Variants in PTPRR observed in about 807,000 individuals in gnomAD.
PTPRR encodes the protein receptor-type tyrosine-protein phosphatase R.
In PTPRR, 38 loss-of-function variants were observed where a neutral mutation model predicts 77.2. The observed-to-expected ratio is 0.49, with a 90% CI of 0.38 to 0.65. The LOEUF (loss-of-function observed/expected upper bound fraction) is 0.65. PTPRR is among the 30% of genes least tolerant of loss of function. PTPRR has a pLI of 0.00. For missense variants in PTPRR, 744 were observed against 799.2 expected, an observed-to-expected ratio of 0.93 and a Z score of 0.83; for synonymous variants, 299 against 283.1, an observed-to-expected ratio of 1.06 and a Z score of -0.57.
chr12:70,830,776 T>TG (rs1892198380), intron 2 of PTPRR, among the ~76,000 whole-genome samples: 2 of 152,316 alleles, frequency 1.3e-5, no homozygotes, highest in African/African-American at 4.8e-5. Flanking sequence ...AAGGAGCAGC[T>TG]GCTAATCAGG....
chr12:70,768,143 A>G (rs1890874192), intron 2 of PTPRR, among the ~76,000 whole-genome samples: 1 of 152,114 alleles, frequency 6.6e-6, no homozygotes, highest in Admixed American at 6.6e-5. Flanking sequence ...AAGCTAGCAG[A>G]AGGCAAGAAA....
intron 2 of PTPRR, among the ~76,000 whole-genome samples, chr12:70,891,796 A>G (rs549175109): frequency 5.9e-5 from 9 of 152,256 alleles, no homozygotes; most frequent in Admixed American, 3.9e-4. Context: ...GAAGCTTGTT[A>G]GATTTAATTA....
intron 2 of PTPRR, among the ~76,000 whole-genome samples, chr12:70,786,379 T>C (rs1891321685): frequency 1.3e-5 from 2 of 152,224 alleles, no homozygotes; most frequent in Non-Finnish European, 2.9e-5. Context: ...AAACTGATAC[T>C]TTCCTGAGCC....
intron 2 of PTPRR, among the ~76,000 whole-genome samples, chr12:70,834,160 C>T (rs1019382069): frequency 6.6e-6 from 1 of 152,180 alleles, no homozygotes; most frequent in Non-Finnish European, 1.5e-5. Flanking sequence ...GGCAACCATA[C>T]AGCATTTCTG....
chr12:70,698,052 G>A (rs1207468972), intron 8 of PTPRR, among the ~76,000 whole-genome samples: 1 of 152,012 alleles, frequency 6.6e-6, no homozygotes, highest in Non-Finnish European at 1.5e-5. Flanking sequence ...GACTTGTCTT[G>A]TGCTTTACAA....
At chr12:70,892,114 C>T (rs947258093) in intron 2 of PTPRR, among the ~76,000 whole-genome samples, 1 of 152,006 alleles carries the variant, frequency 6.6e-6, no homozygotes, top group Non-Finnish European at 1.5e-5. Context: ...CATTGTATCA[C>T]TTTTATTAAT....
chr12:70,841,285 G>A (rs1022141879), intron 2 of PTPRR, among the ~76,000 whole-genome samples: 2 of 151,912 alleles, frequency 1.3e-5, no homozygotes, highest in Non-Finnish European at 2.9e-5. Flanking sequence ...ACAGCTTCTC[G>A]GTATGCTAAA....
In PTPRR at chr12:70,728,698, A is replaced by G. The variant is rs76075368; in HGVS notation, c.1007+17120T>C. 6.4e-3 allele frequency among the ~76,000 whole-genome samples: 969 copies of G among 151,632 alleles called. 13 individuals carry two copies. The highest frequency in any genetic ancestry group is 0.022 in the African/African-American group (912 of 41,370). ...TGGATTTTGGATTTTTGGATTAGGG[A>G]TATTCAACCTGTACTGACAGATGGC... is the stretch of plus-strand genomic sequence containing the variant. On this transcript the variant is annotated intron_variant, in intron 6 of 13. Coordinates refer to ENST00000283228, the MANE Select transcript of PTPRR (RefSeq NM_002849.4).
intron 2 of PTPRR, among the ~76,000 whole-genome samples, chr12:70,864,044 G>A (rs1258176701): frequency 6.6e-6 from 1 of 152,066 alleles, no homozygotes; most frequent in Non-Finnish European, 1.5e-5. Flanking sequence ...GATACAAAAG[G>A]GTAATTTTGT....
chr12:70,779,397 G>A (rs1891156090), intron 2 of PTPRR, among the ~76,000 whole-genome samples: 1 of 152,024 alleles, frequency 6.6e-6, no homozygotes, highest in Non-Finnish European at 1.5e-5. Context: ...GGCTTGGCAT[G>A]CACCTGCCTG....
At chr12:70,818,917 C>T (rs1332617446) in intron 2 of PTPRR, among the ~76,000 whole-genome samples, 1 of 152,158 alleles carries the variant, frequency 6.6e-6, no homozygotes. Flanking sequence ...CTTATCCAAA[C>T]TTGTAATTTG....
chr12:70,655,749 T>C (rs1401104831), intron 13 of PTPRR, among the ~76,000 whole-genome samples: 1 of 152,120 alleles, frequency 6.6e-6, no homozygotes, highest in African/African-American at 2.4e-5. Flanking sequence ...GAGAGAGGAA[T>C]GGGGAGTTTT....
At chr12:70,800,384 G>A (rs1437678352) in intron 2 of PTPRR, among the ~76,000 whole-genome samples, 1 of 151,624 alleles carries the variant, frequency 6.6e-6, no homozygotes, top group East Asian at 1.9e-4. Context: ...AGGCCAGTGA[G>A]TAGGGCAAAA....
Position 70,761,569 on chromosome 12 carries a change from A to C in PTPRR, c.529T>G (p.Ser177Ala). Residue 177 changes from serine (S) to alanine (A), a missense_variant, in exon 4 of 14, where the codon TCT (serine) becomes GCT (alanine). Physicochemically the swap from Ser to Ala is moderately conservative, Grantham distance 99 (BLOSUM62 1). Transcript: ENST00000283228. ...ACTTCCTCAGAGGGCAGAGCATCAG[A>C]AATTCCTGTTTTTCGGTTTATGGGA... ...VSPINRKTGI[S>A]DALPSEEVLR... 2 of 1,612,362 alleles carry C rather than the reference A, an allele frequency of 1.2e-6. No individual in the cohort carries two copies. Among genetic ancestry groups the C allele is most frequent in the Non-Finnish European group, 1.7e-6 (2 of 1,179,000 alleles).
At chr12:70,906,623 T>A (rs942434224) in intron 1 of PTPRR, among the ~76,000 whole-genome samples, 3 of 152,042 alleles carry the variant, frequency 2.0e-5, no homozygotes, top group African/African-American at 7.2e-5. Context: ...AAATACAACA[T>A]ATGCTATATA....
chr12:70,833,032 A>G (rs986433146), intron 2 of PTPRR, among the ~76,000 whole-genome samples: 63 of 152,160 alleles, frequency 4.1e-4, no homozygotes. Context: ...ACTCATTACC[A>G]TGGGCAGGGC....
intron 6 of PTPRR, among the ~76,000 whole-genome samples, chr12:70,703,399 C>T (rs1429419890): frequency 6.6e-6 from 1 of 152,062 alleles, no homozygotes; most frequent in African/African-American, 2.4e-5. Flanking sequence ...TCCTGCCTAC[C>T]TAATAGAGGG....
chr12:70,895,419 A>G (rs141694467), intron 1 of PTPRR, among the ~76,000 whole-genome samples: 1 of 151,636 alleles, frequency 6.6e-6, no homozygotes, highest in African/African-American at 2.4e-5. Flanking sequence ...CTACCGAGAA[A>G]GGGACAAAAT....
intron 10 of PTPRR, among the ~76,000 whole-genome samples, chr12:70,678,795 C>A (rs1887545718): frequency 6.6e-6 from 1 of 152,072 alleles, no homozygotes; most frequent in African/African-American, 2.4e-5. Flanking sequence ...GATTCTTTTG[C>A]CTCAGCCTCC....
Sources: gnomAD v4.1 joint callset for allele counts (sites outside exome capture counted in the v4.1 genomes callset) on GRCh38, gnomAD v4.1.1 for gene constraint, MANE v1.5 for transcripts, NCBI Gene and HGNC (gene_info 2026-07-23, HGNC 2026-07-21) for gene names.